Variants in NLGN1 observed in about 807,000 individuals in gnomAD.
NLGN1 encodes the protein neuroligin-1.
In NLGN1, 12 loss-of-function variants were observed where a neutral mutation model predicts 65.5. The ratio of observed to expected loss-of-function variants is 0.18; its 90% CI spans 0.12 to 0.30. The LOEUF (loss-of-function observed/expected upper bound fraction) is 0.30, where lower values mean the gene tolerates loss of function less well. Ranked by LOEUF, NLGN1 falls within the 10% of genes least tolerant of loss-of-function variation. NLGN1 has a pLI of 1.00. For missense variants in NLGN1, 750 were observed against 1,007.1 expected (o/e 0.74, Z 3.46); for synonymous variants, 350 against 359.5 (o/e 0.97, Z 0.30).
intron 3 of NLGN1, among the ~76,000 whole-genome samples, chr3:173,638,084 T>G (rs1756870370): frequency 6.6e-6 from 1 of 152,200 alleles, no homozygotes; most frequent in African/African-American, 2.4e-5. Flanking sequence ...ATACGATTTT[T>G]TTTTCACCTA....
intron 2 of NLGN1, among the ~76,000 whole-genome samples, chr3:173,504,064 A>C (rs1252217342): frequency 1.3e-5 from 2 of 152,114 alleles, no homozygotes; most frequent in Non-Finnish European, 2.9e-5. Context: ...TAAACTGCCA[A>C]TTAATCTTGA....
At chr3:173,441,485 G>C (rs528417819) in intron 2 of NLGN1, among the ~76,000 whole-genome samples, 2 of 152,228 alleles carry the variant, frequency 1.3e-5, no homozygotes, top group East Asian at 3.9e-4. Flanking sequence ...AGGGACCATT[G>C]TAGGATTATT....
chr3:174,134,790 G>A (rs1720905635), intron 4 of NLGN1, among the ~76,000 whole-genome samples: 1 of 152,104 alleles, frequency 6.6e-6, no homozygotes, highest in Admixed American at 6.5e-5. Context: ...AGTTAAATGC[G>A]ACCTGACCAG....
intron 4 of NLGN1, among the ~76,000 whole-genome samples, chr3:174,011,104 G>A (rs291925): frequency 0.94 from 143,156 of 152,250 alleles, 67,354 homozygotes; most frequent in East Asian, 0.98. Context: ...ATAAAGTAAA[G>A]GTAACTGTTT....
chr3:173,621,531 G>A (rs888599489), intron 3 of NLGN1, among the ~76,000 whole-genome samples: 2 of 152,022 alleles, frequency 1.3e-5, no homozygotes, highest in African/African-American at 4.8e-5. Context: ...AAGGAGCTGT[G>A]ATAACAAGAG....
At chr3:173,725,892 C>T (rs183692545) in intron 3 of NLGN1, among the ~76,000 whole-genome samples, 1 of 152,094 alleles carries the variant, frequency 6.6e-6, no homozygotes, top group Non-Finnish European at 1.5e-5. Context: ...ACTCTTACCT[C>T]CTAGATGCTG....
intron 4 of NLGN1, among the ~76,000 whole-genome samples, chr3:173,974,116 A>G (rs1189728733): frequency 6.6e-6 from 1 of 152,040 alleles, no homozygotes; most frequent in African/African-American, 2.4e-5. Context: ...AAGTCTGATC[A>G]AAGAGCAATT....
intron 4 of NLGN1, among the ~76,000 whole-genome samples, chr3:174,191,706 A>G (rs1189207777): frequency 6.6e-6 from 1 of 152,156 alleles, no homozygotes; most frequent in East Asian, 1.9e-4. Flanking sequence ...AGCACCACGA[A>G]TTGGGATCAT....
At chr3:173,998,732 T>A (rs893068250) in intron 4 of NLGN1, among the ~76,000 whole-genome samples, 1 of 152,070 alleles carries the variant, frequency 6.6e-6, no homozygotes, top group Admixed American at 6.6e-5. Flanking sequence ...CATGAGGGAG[T>A]CACTCCCTGT....
At chr3:173,658,824 T>A in intron 3 of NLGN1, among the ~76,000 whole-genome samples, 1 of 152,050 alleles carries the variant, frequency 6.6e-6, no homozygotes, top group East Asian at 1.9e-4. Context: ...TATCTTTGCA[T>A]GTTCTATAAT....
intron 4 of NLGN1, among the ~76,000 whole-genome samples, chr3:174,267,305 T>C (rs1748451148): frequency 4.6e-5 from 7 of 152,204 alleles, no homozygotes; most frequent in Admixed American, 3.9e-4. Context: ...GGAACCATTG[T>C]GTCATATGAG....
chr3:173,910,532 G>C (rs983608031), intron 4 of NLGN1: 7 of 151,900 alleles, frequency 4.6e-5, no homozygotes, highest in African/African-American at 1.7e-4. Flanking sequence ...GGATAAAATA[G>C]GAATAATTAA....
chr3:173,479,163 C>A (rs1368089035), intron 2 of NLGN1, among the ~76,000 whole-genome samples: 1 of 151,994 alleles, frequency 6.6e-6, no homozygotes, highest in Non-Finnish European at 1.5e-5. Flanking sequence ...AGAAAGGCAT[C>A]ATTTGAAGAC....
chr3:173,982,196 C>T (rs12494045), intron 4 of NLGN1, among the ~76,000 whole-genome samples: 29,950 of 151,862 alleles, frequency 0.2, 3,155 homozygotes, highest in East Asian at 0.33. Flanking sequence ...TAACGTGTGC[C>T]TTTCTTTGGT....
chr3:173,709,234 T>C (rs930090520), intron 3 of NLGN1, among the ~76,000 whole-genome samples: 2 of 152,174 alleles, frequency 1.3e-5, no homozygotes, highest in African/African-American at 4.8e-5. Context: ...AACATGGTCC[T>C]TCTAACACTG....
intron 4 of NLGN1, among the ~76,000 whole-genome samples, chr3:174,234,849 G>A (rs112150886): frequency 0.05 from 7,611 of 151,556 alleles, 624 homozygotes; most frequent in African/African-American, 0.18. Context: ...AAATTATATA[G>A]TTTATAACCT....
intron 3 of NLGN1, among the ~76,000 whole-genome samples, chr3:173,668,058 T>C (rs1761960669): frequency 6.6e-6 from 1 of 152,218 alleles, no homozygotes; most frequent in Non-Finnish European, 1.5e-5. Flanking sequence ...GCACAAGGGA[T>C]ACAATGTGAT....
intron 2 of NLGN1, among the ~76,000 whole-genome samples, chr3:173,579,158 C>G: frequency 6.6e-6 from 1 of 152,100 alleles, no homozygotes; most frequent in East Asian, 1.9e-4. Flanking sequence ...TGAAAAAGCC[C>G]CATTTCAAAA....
chr3:173,713,238 G>A (rs1769290647), intron 3 of NLGN1, among the ~76,000 whole-genome samples: 1 of 152,118 alleles, frequency 6.6e-6, no homozygotes, highest in Non-Finnish European at 1.5e-5. Flanking sequence ...AAGAAAAGGA[G>A]TTAGGTCCCA....
Sources: allele counts gnomAD v4.1 joint callset (sites outside exome capture counted in the v4.1 genomes callset), GRCh38; gene constraint gnomAD v4.1.1; transcripts MANE v1.5; gene names NCBI Gene and HGNC (gene_info 2026-07-23, HGNC 2026-07-21).